The following MMS22L variants were observed in gnomAD, a reference collection of about 807,000 sequenced individuals.
The protein encoded by MMS22L is MMS22 like, DNA repair protein, also known as protein MMS22-like.
In MMS22L, 74 loss-of-function variants were observed where a neutral mutation model predicts 159.1. The observed-to-expected ratio is 0.47, with a 90% confidence interval of 0.39 to 0.56. MMS22L has a LOEUF of 0.56. MMS22L is among the 20% of genes least tolerant of loss of function. The pLI is 0.00. For synonymous variants in MMS22L, 517 were observed against 506.9 expected (o/e 1.02, Z -0.27); for missense variants, 1,351 against 1,422.1 (o/e 0.95, Z 0.80).
chr6:97,199,410 T>C (rs1221449375), intron 14 of MMS22L, among the ~76,000 whole-genome samples: 1 of 152,170 alleles, frequency 6.6e-6, no homozygotes, highest in Non-Finnish European at 1.5e-5. Flanking sequence ...CTTAACGGAC[T>C]ATGTATCAAT....
At chr6:97,146,955 C>T in intron 24 of MMS22L, 68 bp from the exon 25 acceptor site, 1 of 1,095,352 alleles carries the variant, frequency 9.1e-7, no homozygotes, top group Non-Finnish European at 1.3e-6. Flanking sequence ...TCAGTATTTA[C>T]AAATTAAGTC....
At chr6:97,181,408 A>G (rs1452766362) in intron 16 of MMS22L, among the ~76,000 whole-genome samples, 1 of 152,028 alleles carries the variant, frequency 6.6e-6, no homozygotes, top group Non-Finnish European at 1.5e-5. Context: ...GGAAATACTT[A>G]TAGATAAGGA....
chr6:97,270,882 A>C (rs1332036309), intron 6 of MMS22L: 1 of 152,200 alleles, frequency 6.6e-6, no homozygotes, highest in Non-Finnish European at 1.5e-5. Flanking sequence ...ATGTTTAAAA[A>C]TAACATGAAT....
At chr6:97,179,344 T>C (rs1804452015) in intron 17 of MMS22L, 64 bp downstream of exon 17, 1 of 1,394,282 alleles carries the variant, frequency 7.2e-7, no homozygotes, top group Admixed American at 2.0e-5. Context: ...TAACAAATGA[T>C]CTAGACAGCA....
intron 15 of MMS22L, among the ~76,000 whole-genome samples, chr6:97,183,277 C>T (rs548083672): frequency 1.3e-5 from 2 of 152,246 alleles, no homozygotes; most frequent in African/African-American, 4.8e-5. Flanking sequence ...TTTTAGGACA[C>T]TTGATTGCAT....
chr6:97,278,788 A>G, intron 4 of MMS22L, 61 bp downstream of exon 4: 2 of 1,370,554 alleles, frequency 1.5e-6, no homozygotes, highest in Non-Finnish European at 2.1e-6. Flanking sequence ...TCATGGACCC[A>G]TGTGCAACTC....
In MMS22L at chr6:97,274,900, A is replaced by C. The variant is rs190602061; in HGVS notation, c.341-1838T>G. Among the ~76,000 whole-genome samples the C allele has an allele frequency of 6.2e-4, 94 of 152,328 alleles. 1 individual carries two copies. Among genetic ancestry groups the C allele is most frequent in the African/African-American group, 2.2e-3 (93 of 41,580 alleles). On this transcript the variant is annotated intron_variant, in intron 4 of 24. Coordinates refer to ENST00000683635, the MANE Select transcript of MMS22L (RefSeq NM_001350599.2). ...AGTTCTCACCAGCAAGCATGAAAAAAAATCTCATAATAGACTACGCACGAG... is the reference window on the plus strand; with the variant it reads ...AGTTCTCACCAGCAAGCATGAAAAACAATCTCATAATAGACTACGCACGAG...
intron 14 of MMS22L, among the ~76,000 whole-genome samples, chr6:97,225,149 T>C (rs1380348365): frequency 6.6e-6 from 1 of 152,178 alleles, no homozygotes; most frequent in Non-Finnish European, 1.5e-5. Context: ...ATTCTTGTGT[T>C]TCTAGTTACT....
chr6:97,237,021 T>C (rs1210406822), intron 11 of MMS22L, among the ~76,000 whole-genome samples: 2 of 151,450 alleles, frequency 1.3e-5, no homozygotes, highest in East Asian at 1.9e-4. Context: ...TATTGGAATA[T>C]TCATTAAAAA....
Position 97,263,364 on chromosome 6 carries a change from C to G in MMS22L, c.913G>C (p.Asp305His). The change falls in exon 9 of 25, where the codon GAC (aspartate) becomes CAC (histidine). Residue 305 changes from aspartate (D) to histidine (H), a missense_variant. Coordinates refer to ENST00000683635, the MANE Select transcript of MMS22L (RefSeq NM_001350599.2). ...GAGACAAACCATTTACTTCTGTGGT[C>G]TAGAAGATGAATAAGTAGAACCCAT... is the stretch of plus-strand genomic sequence containing the variant. Reference protein sequence around the residue: ...ELWVLLIHLLDHRSKWFVSES... With the variant: ...ELWVLLIHLLHHRSKWFVSES... 1 of 1,589,262 alleles carries G rather than the reference C, an allele frequency of 6.3e-7. No homozygotes were observed. Among genetic ancestry groups the G allele is most frequent in the Non-Finnish European group, 8.5e-7 (1 of 1,171,216 alleles).
chr6:97,173,317 C>T, intron 18 of MMS22L, 95 bp from the exon 19 acceptor site: 1 of 1,088,086 alleles, frequency 9.2e-7, no homozygotes, highest in South Asian at 1.5e-5. Flanking sequence ...TCTACATACG[C>T]ACCCATACCC....
intron 18 of MMS22L, among the ~76,000 whole-genome samples, chr6:97,173,939 C>A (rs1157592826): frequency 6.6e-6 from 1 of 151,530 alleles, no homozygotes; most frequent in Non-Finnish European, 1.5e-5. Context: ...AGAAGACTGG[C>A]TAAGAGATGG....
intron 7 of MMS22L, among the ~76,000 whole-genome samples, chr6:97,268,726 T>C (rs1030256910): frequency 6.6e-6 from 1 of 152,082 alleles, no homozygotes; most frequent in African/African-American, 2.4e-5. Flanking sequence ...AGGTAATAGA[T>C]AACCAAAATT....
At chr6:97,166,385 T>G (rs1438014426) in intron 20 of MMS22L, among the ~76,000 whole-genome samples, 1 of 152,148 alleles carries the variant, frequency 6.6e-6, no homozygotes, top group East Asian at 1.9e-4. Context: ...TTTAAAATGT[T>G]TGAAGTCTCC....
At chr6:97,225,315 C>G (rs984842110) in intron 14 of MMS22L, among the ~76,000 whole-genome samples, 1 of 151,668 alleles carries the variant, frequency 6.6e-6, no homozygotes, top group African/African-American at 2.4e-5. Context: ...AAGTCTAATA[C>G]GCCTATTACC....
At chr6:97,223,087 T>G (rs1412038388) in intron 14 of MMS22L, among the ~76,000 whole-genome samples, 2 of 152,112 alleles carry the variant, frequency 1.3e-5, no homozygotes, top group Non-Finnish European at 2.9e-5. Context: ...CAATAAAGAA[T>G]GCTCTGGTGA....
intron 3 of MMS22L, among the ~76,000 whole-genome samples, chr6:97,280,860 T>C (rs1013590038): frequency 1.4e-4 from 22 of 152,324 alleles, no homozygotes; most frequent in Admixed American, 1.3e-3. Context: ...TTAAATGTTG[T>C]CCAAATAATT....
Position 97,231,423 on chromosome 6 carries a change from T to C in MMS22L, c.1529+3A>G. On this transcript the variant is annotated splice_donor_region_variant and intron_variant, in intron 13 of 24. Coordinates refer to ENST00000683635, the MANE Select transcript of MMS22L (RefSeq NM_001350599.2). ...CACTCATGACAGAAGATACTGCATA[T>C]ACCTTCCTTTGACTTGTTTCCAAGG... The C allele has an allele frequency of 6.2e-7, 1 of 1,603,990 alleles. No homozygotes were observed. The highest frequency in any genetic ancestry group is 8.5e-7 in the Non-Finnish European group (1 of 1,171,332).
At chr6:97,195,455 T>C (rs1331280796) in intron 14 of MMS22L, among the ~76,000 whole-genome samples, 1 of 152,188 alleles carries the variant, frequency 6.6e-6, no homozygotes, top group East Asian at 1.9e-4. Context: ...GAACAAGGTG[T>C]TTGAAGAATG....
Sources: allele counts gnomAD v4.1 joint callset (sites outside exome capture counted in the v4.1 genomes callset), GRCh38; gene constraint gnomAD v4.1.1; transcripts MANE v1.5; gene names NCBI Gene and HGNC (gene_info 2026-07-23, HGNC 2026-07-21).